ADRA1B: variants seen among roughly 807,000 people sequenced by gnomAD.
ADRA1B encodes the protein alpha-1B adrenergic receptor.
ADRA1B carries 17 observed loss-of-function variants against 17.9 expected under a neutral mutation model. The ratio of observed to expected loss-of-function variants is 0.95; its 90% CI spans 0.65 to 1.42. ADRA1B has a LOEUF of 1.42. Ranked by LOEUF, ADRA1B falls within the 40% of genes most tolerant of loss-of-function variation. The probability of loss-of-function intolerance (pLI) is 0.00; values close to 1 mark genes in which losing one functional copy is unlikely to be tolerated. For missense variants in ADRA1B, 681 were observed against 722.1 expected, an observed-to-expected ratio of 0.94 and a Z score of 0.65; for synonymous variants, 366 against 327.6, an observed-to-expected ratio of 1.12 and a Z score of -1.27.
chr5:159,883,033 T>C (rs1159399221), intron 1 of ADRA1B, among the ~76,000 whole-genome samples: 1 of 152,188 alleles, frequency 6.6e-6, no homozygotes, highest in Non-Finnish European at 1.5e-5. Flanking sequence ...TACTGGCCAC[T>C]GACATTCTCT....
intron 1 of ADRA1B, among the ~76,000 whole-genome samples, chr5:159,949,863 G>A (rs1009020573): frequency 2.0e-5 from 3 of 152,186 alleles, no homozygotes; most frequent in East Asian, 1.9e-4. Context: ...ACACGCTGGC[G>A]TTTTTCATTA....
At chr5:159,888,646 G>C (rs749526035) in intron 1 of ADRA1B, among the ~76,000 whole-genome samples, 2 of 152,064 alleles carry the variant, frequency 1.3e-5, no homozygotes, top group Non-Finnish European at 2.9e-5. Flanking sequence ...CAGAGAGTAG[G>C]AACTGCAGAA....
At chr5:159,951,845 A>C (rs528950383) in intron 1 of ADRA1B, among the ~76,000 whole-genome samples, 1 of 151,210 alleles carries the variant, frequency 6.6e-6, no homozygotes, top group Admixed American at 6.6e-5. Flanking sequence ...TCCTTTGAAA[A>C]CTCACTCTTT....
intron 1 of ADRA1B, among the ~76,000 whole-genome samples, chr5:159,943,873 C>T (rs545575794): frequency 6.6e-6 from 1 of 151,614 alleles, no homozygotes; most frequent in South Asian, 2.1e-4. Flanking sequence ...TGACTGACTA[C>T]CACAATTGGC....
rs545592185 is a variant in ADRA1B at position 159,896,113 on chromosome 5, C to G, written c.-255-20006C>G. Among the ~76,000 whole-genome samples the G allele has an allele frequency of 9.2e-5, 14 of 152,302 alleles. No individual in the cohort carries two copies. The South Asian group carries it at 2.9e-3, about 32-fold the overall frequency. On this transcript the variant is annotated intron_variant, in intron 1 of 2. Coordinates refer to the ADRA1B transcript ENST00000641205. The stretch of plus-strand genomic sequence containing the variant: ...CCCCAGGACCTAGCACAGTGCCTGA[C>G]ACATAGAAGAATCTCAGTAAATATT...
chr5:159,939,969 G>C (rs1755080912), intron 1 of ADRA1B, among the ~76,000 whole-genome samples: 1 of 152,192 alleles, frequency 6.6e-6, no homozygotes, highest in African/African-American at 2.4e-5. Flanking sequence ...TCAGAGCCTT[G>C]TCACACTGGG....
Position 159,917,402 on chromosome 5 carries a change from T to C in ADRA1B, c.497T>C (p.Leu166Pro). 6.2e-7 allele frequency: 1 copy of C among 1,614,138 alleles called. No individual in the cohort carries two copies. Among genetic ancestry groups the C allele is most frequent in the Non-Finnish European group, 8.5e-7 (1 of 1,180,020 alleles). ...LVTRRKAILALLSVWVLSTVI... is the reference protein window; with the variant it reads ...LVTRRKAILAPLSVWVLSTVI... ...ACCCGGAGGAAGGCCATCTTGGCGC[T>C]GCTCAGTGTCTGGGTCTTGTCCACC... The change falls in exon 1 of 2, where the codon CTG becomes CCG. Residue 166 changes from leucine (L) to proline (P), a missense_variant. Transcript: ENST00000306675.
chr5:159,897,355 A>G (rs2113113303), intron 1 of ADRA1B, among the ~76,000 whole-genome samples: 1 of 152,102 alleles, frequency 6.6e-6, no homozygotes, highest in South Asian at 2.1e-4. Flanking sequence ...GCGTGGTGGA[A>G]CGCACCTGTA....
intron 1 of ADRA1B, among the ~76,000 whole-genome samples, chr5:159,937,995 T>C (rs956207222): frequency 1.3e-5 from 2 of 152,150 alleles, no homozygotes; most frequent in African/African-American, 4.8e-5. Flanking sequence ...ACCTCAGTGC[T>C]CTCCTAGGCT....
chr5:159,876,925 C>G (rs544005360), intron 1 of ADRA1B, among the ~76,000 whole-genome samples: 1 of 152,188 alleles, frequency 6.6e-6, no homozygotes, highest in Non-Finnish European at 1.5e-5. Context: ...AGGTACTTGC[C>G]TGGCCATCAG....
At chr5:159,973,124 C>T (rs112082628), downstream of ADRA1B, among the ~76,000 whole-genome samples, 546 of 152,328 alleles carry the variant, frequency 3.6e-3, 6 homozygotes, top group African/African-American at 0.013. Flanking sequence ...TTCCATTCCC[C>T]TGCCCTCCAG....
chr5:159,898,250 C>G (rs1333749534), intron 1 of ADRA1B, among the ~76,000 whole-genome samples: 3 of 152,202 alleles, frequency 2.0e-5, no homozygotes, highest in Non-Finnish European at 2.9e-5. Flanking sequence ...GCCCCCACAA[C>G]CCTGCATATC....
At chr5:159,870,135 A>G (rs1161258041) in intron 1 of ADRA1B, 2 of 152,256 alleles carry the variant, frequency 1.3e-5, no homozygotes, top group South Asian at 2.1e-4. Flanking sequence ...ATGATAGCAT[A>G]TAACAGAGAG....
chr5:159,974,063 T>C (rs1323823975), downstream of ADRA1B, among the ~76,000 whole-genome samples: 1 of 152,106 alleles, frequency 6.6e-6, no homozygotes, highest in Non-Finnish European at 1.5e-5. Flanking sequence ...CTGTAGGTGA[T>C]TGAGAGAGAA....
At chr5:159,948,314 G>A in intron 1 of ADRA1B, 1 of 985,380 alleles carries the variant, frequency 1.0e-6, no homozygotes, top group Non-Finnish European at 1.2e-6. Context: ...AGCACTTTAT[G>A]CTCACCCTTT....
At chr5:159,954,896 G>A (rs1755522570) in intron 1 of ADRA1B, among the ~76,000 whole-genome samples, 1 of 152,114 alleles carries the variant, frequency 6.6e-6, no homozygotes, top group Admixed American at 6.6e-5. Context: ...GTGTCCTACA[G>A]GACATCTTCA....
Position 159,945,200 on chromosome 5 carries a change from C to T in ADRA1B, c.950-26679C>T, listed in dbSNP as rs115484155. ...GAGCAGTCTGGCCAACGTGGTGAAA[C>T]CCTGTCTCCACCAAAAATACAAAAA... On this transcript the variant is annotated intron_variant, in intron 1 of 1. Coordinates refer to ENST00000306675, the MANE Select transcript of ADRA1B (RefSeq NM_000679.4). Among the ~76,000 whole-genome samples, 1,331 of 152,184 alleles carry T rather than the reference C, an allele frequency of 8.7e-3. 21 individuals carry two copies. The highest frequency in any genetic ancestry group is 0.03 in the African/African-American group (1,247 of 41,500).
intron 1 of ADRA1B, among the ~76,000 whole-genome samples, chr5:159,899,240 G>GAGGAAGGAAGGAAGGAAGGAAGGA (rs1296220766): frequency 4.7e-5 from 5 of 105,428 alleles, no homozygotes; most frequent in African/African-American, 1.6e-4. Flanking sequence ...AGGAGGGAGG[G>GAGGAAGGAAGGAAGGAAGGAAGGA]AGGAAGGAAG....
intron 1 of ADRA1B, among the ~76,000 whole-genome samples, chr5:159,873,663 C>T (rs577856112): frequency 5.5e-4 from 84 of 152,232 alleles, no homozygotes; most frequent in African/African-American, 1.8e-3. Flanking sequence ...CTCAGAGCCC[C>T]CTCAGTCTAC....
Sources: allele counts gnomAD v4.1 joint callset (sites outside exome capture counted in the v4.1 genomes callset), GRCh38; gene constraint gnomAD v4.1.1; transcripts MANE v1.5; gene names NCBI Gene and HGNC (gene_info 2026-07-23, HGNC 2026-07-21).